Variants in SLC26A4 observed in about 807,000 individuals in gnomAD.
The protein encoded by SLC26A4 is solute carrier family 26 member 4.
Under a neutral mutation model 90.4 loss-of-function variants are expected in SLC26A4, and 93 were observed. The ratio of observed to expected loss-of-function variants is 1.03; its 90% confidence interval spans 0.87 to 1.22. The LOEUF (loss-of-function observed/expected upper bound fraction) is 1.22, where lower values mean the gene tolerates loss of function less well. Ranked by LOEUF, SLC26A4 falls within the 50% of genes most tolerant of loss-of-function variation. SLC26A4 has a pLI of 0.00. For synonymous variants in SLC26A4, 393 were observed against 354.6 expected (o/e 1.11, Z -1.22); for missense variants, 1,127 against 946.2 (o/e 1.19, Z -2.51).
intron 17 of SLC26A4, among the ~76,000 whole-genome samples, chr7:107,702,613 C>A (rs762078223): frequency 6.9e-6 from 1 of 144,680 alleles, no homozygotes; most frequent in South Asian, 2.2e-4. Flanking sequence ...CGCTTGAACC[C>A]GGGAGGTGGA....
chr7:107,704,764 A>T (rs753555299), intron 18 of SLC26A4, among the ~76,000 whole-genome samples: 5 of 152,248 alleles, frequency 3.3e-5, no homozygotes, highest in Non-Finnish European at 5.9e-5. Context: ...ATTATTGCAG[A>T]GGAAGCTTTA....
intron 10 of SLC26A4, among the ~76,000 whole-genome samples, chr7:107,694,033 T>G (rs1422714852): frequency 6.6e-6 from 1 of 152,140 alleles, no homozygotes; most frequent in East Asian, 1.9e-4. Context: ...ATCTCTGTTG[T>G]TGGGAAAGGG....
chr7:107,707,456 C>T (rs7777472), intron 18 of SLC26A4, among the ~76,000 whole-genome samples: 3,784 of 152,218 alleles, frequency 0.025, 157 homozygotes, highest in African/African-American at 0.086. Flanking sequence ...ATTATAATGG[C>T]TTACAAAGAG....
intron 10 of SLC26A4, chr7:107,692,205 C>T (rs1791595685): frequency 3.3e-6 from 2 of 615,324 alleles, no homozygotes; most frequent in Non-Finnish European, 4.5e-6. Flanking sequence ...GCCAGGATTT[C>T]AGCATTAAAG....
At chr7:107,681,865 C>T (rs940008010) in intron 6 of SLC26A4, among the ~76,000 whole-genome samples, 6 of 151,854 alleles carry the variant, frequency 4.0e-5, no homozygotes, top group Non-Finnish European at 1.5e-5. Flanking sequence ...AGGAGGATTT[C>T]TTGAGGCCAG....
intron 13 of SLC26A4, among the ~76,000 whole-genome samples, chr7:107,697,165 T>C (rs1791764469): frequency 6.6e-6 from 1 of 152,248 alleles, no homozygotes; most frequent in South Asian, 2.1e-4. Flanking sequence ...TCTCATGCTG[T>C]ATATGCCTCA....
At chr7:107,669,941 G>A (rs905460341) in intron 3 of SLC26A4, among the ~76,000 whole-genome samples, 4 of 152,140 alleles carry the variant, frequency 2.6e-5, no homozygotes, top group African/African-American at 9.7e-5. Flanking sequence ...AGGGTAGAGG[G>A]AGGAAAGAGG....
chr7:107,701,856 A>C lies in SLC26A4; in HGVS notation c.1833A>C (p.Thr611=). ...KNGIISDAVS[T]NNAFEPDEDI... ...GCATCATAAGTGATGCTGTTTCAAC[A>C]AATAATGCTTTTGAGCCTGATGAGG... The change falls in exon 17 of 21, where the codon ACA becomes ACC. Residue 611 remains threonine, a synonymous_variant. Coordinates refer to ENST00000644269, the MANE Select transcript of SLC26A4 (RefSeq NM_000441.2). 5 of 1,612,058 alleles carry C rather than the reference A, an allele frequency of 3.1e-6. No homozygotes were observed. The highest frequency in any genetic ancestry group is 4.2e-6 in the Non-Finnish European group (5 of 1,178,106).
intron 3 of SLC26A4, 72 bp from the exon 4 acceptor site, chr7:107,672,066 A>C (rs902813847): frequency 7.7e-6 from 7 of 912,658 alleles, no homozygotes; most frequent in Non-Finnish European, 1.3e-5. Flanking sequence ...AAGTGGAACC[A>C]TTGTAAGTTG....
intron 8 of SLC26A4, among the ~76,000 whole-genome samples, chr7:107,684,329 G>A (rs3823956): frequency 0.77 from 117,550 of 152,056 alleles, 46,234 homozygotes; most frequent in African/African-American, 0.93. Flanking sequence ...CCCTAAGACT[G>A]GAAGAGTTTG....
rs186344933 is a variant in SLC26A4, at chr7:107,704,447, G to A, written c.2089+62G>A. 8 of 756,188 alleles carry A rather than the reference G, an allele frequency of 1.1e-5. 1 individual carries two copies. The East Asian group carries it at 1.8e-4, about 17-fold the overall frequency. The allele number at this position is 756,188 out of a possible 1,614,324, so 46.8% of individuals were successfully genotyped here. A position where few individuals can be genotyped will look rare whatever the true frequency, so the allele number is the denominator to read the frequency against. ...TTCCCGTAAGCCCTTTCTCCTATCT[G>A]GGACTGTGGTCACATTATGTCTGAA... On this transcript the variant is annotated intron_variant, in intron 18 of 20. Coordinates refer to ENST00000644269, the MANE Select transcript of SLC26A4 (RefSeq NM_000441.2).
intron 6 of SLC26A4, among the ~76,000 whole-genome samples, chr7:107,679,211 TC>T (rs1427570246): frequency 6.6e-6 from 1 of 152,158 alleles, no homozygotes; most frequent in African/African-American, 2.4e-5. Context: ...GGGGTTGATT[TC>T]CCACCACTCA....
intron 10 of SLC26A4, chr7:107,693,024 A>G (rs1791619890): frequency 6.6e-6 from 1 of 152,404 alleles, no homozygotes; most frequent in Middle Eastern, 3.1e-3. Context: ...TCCAGTTCAC[A>G]GAGCTCCCCA....
intron 18 of SLC26A4, among the ~76,000 whole-genome samples, chr7:107,709,574 G>A (rs1035528484): frequency 5.3e-5 from 8 of 152,134 alleles, no homozygotes; most frequent in African/African-American, 1.4e-4. Flanking sequence ...AGCTCCCAAC[G>A]GGCAAGGGAA....
At chr7:107,685,671 C>T (rs1400866259) in intron 8 of SLC26A4, among the ~76,000 whole-genome samples, 1 of 152,222 alleles carries the variant, frequency 6.6e-6, no homozygotes, top group Non-Finnish European at 1.5e-5. Flanking sequence ...CCAGTCAACA[C>T]CTAAGCGCCC....
Position 107,710,137 on chromosome 7 carries a change from G to GCTAT in SLC26A4, c.2174_2177dup (p.Leu727TyrfsTer28), listed in dbSNP as rs1421964916. On this transcript the variant is annotated frameshift_variant, in exon 19 of 21. Transcript: ENST00000644269. LOFTEE classifies it high-confidence loss of function. ...CACATTCTTTTTGACGGTCCATGAT[G>GCTAT]CTATACTCTATCTACAGAACCAAGT... 28 of 1,608,916 alleles carry GCTAT rather than the reference G, an allele frequency of 1.7e-5. No individual in the cohort carries two copies. The highest frequency in any genetic ancestry group is 1.6e-4 in the Middle Eastern group (1 of 6,078).
intron 8 of SLC26A4, among the ~76,000 whole-genome samples, chr7:107,684,065 G>C (rs1791329350): frequency 6.6e-6 from 1 of 152,166 alleles, no homozygotes; most frequent in Non-Finnish European, 1.5e-5. Flanking sequence ...ATTCATCTCT[G>C]TCACCTTCCA....
chr7:107,671,063 A>T (rs1790853021), intron 3 of SLC26A4, among the ~76,000 whole-genome samples: 1 of 152,248 alleles, frequency 6.6e-6, no homozygotes, highest in Admixed American at 6.5e-5. Context: ...GGGCAGTGTA[A>T]CAATGACTGT....
chr7:107,674,413 A>G, intron 5 of SLC26A4, 65 bp downstream of exon 5: 2 of 1,210,862 alleles, frequency 1.7e-6, no homozygotes, highest in Admixed American at 1.7e-5. Flanking sequence ...TTTAAAGCAT[A>G]TAGACTTAAA....
Sources: allele counts gnomAD v4.1 joint callset (sites outside exome capture counted in the v4.1 genomes callset), GRCh38; gene constraint gnomAD v4.1.1; transcripts MANE v1.5; gene names NCBI Gene and HGNC (gene_info 2026-07-23, HGNC 2026-07-21).